The following SGCZ variants were observed in gnomAD, a reference collection of about 807,000 sequenced individuals.
The protein encoded by SGCZ is zeta-sarcoglycan.
SGCZ carries 40 observed loss-of-function variants against 41.3 expected under a neutral mutation model. The ratio of observed to expected loss-of-function variants is 0.97; its 90% CI spans 0.75 to 1.26. SGCZ has a LOEUF of 1.26. Among genes scored for constraint, SGCZ ranks in the 50% most tolerant of loss-of-function variants. SGCZ has a pLI of 0.00. For missense variants in SGCZ, 552 were observed against 369.8 expected (o/e 1.49, Z -4.04); for synonymous variants, 206 against 137.5 (o/e 1.50, Z -3.49).
intron 1 of SGCZ, among the ~76,000 whole-genome samples, chr8:14,973,515 C>T (rs1215516629): frequency 2.0e-5 from 3 of 152,130 alleles, no homozygotes; most frequent in Non-Finnish European, 4.4e-5. Context: ...TAACTGTGTG[C>T]AGTTTTTGCT....
chr8:14,790,891 G>C (rs1212413219), intron 1 of SGCZ, among the ~76,000 whole-genome samples: 7 of 151,648 alleles, frequency 4.6e-5, no homozygotes. Flanking sequence ...ATTTGCGCAG[G>C]GTGGTGGTGC....
At chr8:14,757,405 G>A (rs557154166) in intron 1 of SGCZ, among the ~76,000 whole-genome samples, 2 of 152,270 alleles carry the variant, frequency 1.3e-5, no homozygotes, top group South Asian at 2.1e-4. Flanking sequence ...ACCTTTCTCA[G>A]GTACTGTGTG....
chr8:14,139,437 G>A (rs993858158), intron 5 of SGCZ, among the ~76,000 whole-genome samples: 4 of 152,080 alleles, frequency 2.6e-5, no homozygotes, highest in African/African-American at 9.7e-5. Context: ...AAAATAGGTA[G>A]ACTGCTAGCA....
intron 3 of SGCZ, among the ~76,000 whole-genome samples, chr8:14,315,741 G>C (rs1215100591): frequency 1.3e-5 from 2 of 150,908 alleles, no homozygotes; most frequent in East Asian, 3.9e-4. Context: ...CAATAAATCA[G>C]AAAAATGACA....
At position 15,128,574 on chromosome 8, in the gene SGCZ, C is replaced by G. The variant is rs868110971; in HGVS notation, c.39+109011G>C. On this transcript the variant is annotated intron_variant, in intron 1 of 7. Transcript: ENST00000382080. ...GACACCAACTGCTATTCTGCACTCT[C>G]TCACTGCTGGTGACAAGGTTGAATC... Among the ~76,000 whole-genome samples the G allele has an allele frequency of 1.2e-4, 19 of 152,340 alleles. 1 individual carries two copies. Among genetic ancestry groups the G allele is most frequent in the Middle Eastern group, 3.4e-3 (1 of 294 alleles).
At chr8:14,328,182 G>T (rs1189989018) in intron 2 of SGCZ, among the ~76,000 whole-genome samples, 1 of 152,110 alleles carries the variant, frequency 6.6e-6, no homozygotes, top group Non-Finnish European at 1.5e-5. Context: ...TCACACTCAG[G>T]CATTAAGTCC....
chr8:15,124,303 A>T (rs1297106946), intron 1 of SGCZ, among the ~76,000 whole-genome samples: 1 of 152,194 alleles, frequency 6.6e-6, no homozygotes, highest in Non-Finnish European at 1.5e-5. Context: ...AGAGAAAAAA[A>T]GAATGTGTTT....
chr8:15,186,779 T>C (rs766386403), intron 1 of SGCZ, among the ~76,000 whole-genome samples: 1 of 152,320 alleles, frequency 6.6e-6, no homozygotes, highest in Middle Eastern at 3.4e-3. Context: ...TCGCCTATAA[T>C]TAGTGAGACA....
intron 1 of SGCZ, among the ~76,000 whole-genome samples, chr8:14,978,313 C>T (rs552577229): frequency 6.9e-6 from 1 of 145,848 alleles, no homozygotes; most frequent in Non-Finnish European, 1.5e-5. Flanking sequence ...AATAAAAATA[C>T]AAAAAATTAG....
chr8:15,095,464 C>T (rs1806312157), intron 1 of SGCZ, among the ~76,000 whole-genome samples: 1 of 152,086 alleles, frequency 6.6e-6, no homozygotes, highest in East Asian at 1.9e-4. Context: ...CTTTTTGTTT[C>T]TTAATAGGTT....
chr8:14,219,916 T>C (rs1252052484), intron 4 of SGCZ, among the ~76,000 whole-genome samples: 3 of 152,198 alleles, frequency 2.0e-5, no homozygotes, highest in Non-Finnish European at 4.4e-5. Context: ...AAGAGTTCTT[T>C]GAATCCCTAA....
chr8:15,063,216 G>C (rs540839316), intron 1 of SGCZ, among the ~76,000 whole-genome samples: 179 of 152,190 alleles, frequency 1.2e-3, no homozygotes, highest in African/African-American at 4.0e-3. Flanking sequence ...ACAGAGTCCA[G>C]AGAAATTGAC....
chr8:14,748,802 C>T (rs1422666488), intron 1 of SGCZ, among the ~76,000 whole-genome samples: 1 of 151,968 alleles, frequency 6.6e-6, no homozygotes, highest in Non-Finnish European at 1.5e-5. Flanking sequence ...TATCATGTGC[C>T]TGGTATTATA....
In SGCZ at chr8:14,164,601, C is replaced by A. The variant is rs1804150043; in HGVS notation, c.526G>T (p.Ala176Ser). 2 of 1,613,332 alleles carry A rather than the reference C, an allele frequency of 1.2e-6. No individual in the cohort carries two copies. The highest frequency in any genetic ancestry group is 1.3e-5 in the African/African-American group (1 of 74,850). ...SADEDEITIG[A>S]EKLKVTGTEG... ...GTACCTGTAACTTTCAGCTTTTCAG[C>A]CCCAATGGTAATCTCATCTTCATCT... The change falls in exon 5 of 8, where the codon GCT becomes TCT. Residue 176 changes from alanine to serine, a missense_variant. By Grantham distance (99) the Ala-to-Ser change is moderately conservative. Transcript: ENST00000382080.
At position 15,201,894 on chromosome 8, in the gene SGCZ, C is replaced by T. The variant is rs77622990; in HGVS notation, c.39+35691G>A. Among the ~76,000 whole-genome samples, 194 of 152,194 alleles carry T rather than the reference C, an allele frequency of 1.3e-3. 1 individual carries two copies. The highest frequency in any genetic ancestry group is 4.0e-3 in the African/African-American group (166 of 41,510). On this transcript the variant is annotated intron_variant, in intron 1 of 7. Transcript: ENST00000382080. ...ACTATCTATATAAAAAATATCAAGC[C>T]AATTCAGTCAACAGTATTTTTAAAT...
intron 1 of SGCZ, among the ~76,000 whole-genome samples, chr8:15,031,710 G>T (rs1295040509): frequency 6.6e-6 from 1 of 152,054 alleles, no homozygotes; most frequent in Non-Finnish European, 1.5e-5. Context: ...ATTATTCATA[G>T]GACAATGTCA....
At chr8:15,033,752 G>T (rs930525760) in intron 1 of SGCZ, among the ~76,000 whole-genome samples, 5 of 152,128 alleles carry the variant, frequency 3.3e-5, no homozygotes, top group Admixed American at 2.0e-4. Flanking sequence ...CAGCCCCTGT[G>T]GACCCAGGAT....
At chr8:14,340,260 A>T (rs1022604156) in intron 2 of SGCZ, among the ~76,000 whole-genome samples, 1 of 152,126 alleles carries the variant, frequency 6.6e-6, no homozygotes, top group African/African-American at 2.4e-5. Context: ...ACTTTCAAAA[A>T]GCCAATTTTG....
At chr8:14,408,983 G>GTGCATGTGTGCA (rs1491011178) in intron 2 of SGCZ, among the ~76,000 whole-genome samples, 2 of 49,056 alleles carry the variant, frequency 4.1e-5, no homozygotes, top group South Asian at 3.7e-4. Flanking sequence ...ATGTGTGCGT[G>GTGCATGTGTGCA]TGTGTGTGTG....
Sources: gnomAD v4.1 joint callset for allele counts (sites outside exome capture counted in the v4.1 genomes callset) on GRCh38, gnomAD v4.1.1 for gene constraint, MANE v1.5 for transcripts, NCBI Gene and HGNC (gene_info 2026-07-23, HGNC 2026-07-21) for gene names.